ICAM2: variants seen among roughly 807,000 people sequenced by gnomAD.
ICAM2 encodes the protein intercellular adhesion molecule 2, also known as ICAM-2.
In ICAM2, 14 loss-of-function variants were observed where a neutral mutation model predicts 19.1. The ratio of observed to expected loss-of-function variants is 0.73; its 90% CI spans 0.48 to 1.15. The LOEUF (loss-of-function observed/expected upper bound fraction) is 1.15, where lower values mean the gene tolerates loss of function less well. Among genes scored for constraint, ICAM2 ranks in the 50% most tolerant of loss-of-function variants. The pLI, the probability that ICAM2 is intolerant of heterozygous loss-of-function variation, is 0.00. For missense variants in ICAM2, 311 were observed against 355.4 expected (o/e 0.88, Z 1.00); for synonymous variants, 153 against 152.7 (o/e 1.00, Z -0.01).
Position 64,002,642 on chromosome 17 carries a change from C to T in ICAM2, c.*105G>A. On this transcript the variant is annotated 3_prime_UTR_variant, in exon 5 of 5. Coordinates refer to ENST00000579788, the MANE Select transcript of ICAM2 (RefSeq NM_001099789.2). ...GGCTAGAAAAGGCAATGTCCCAAGT[C>T]TCTGCTGCCTGTCACAGTCCTTCAG... The T allele has an allele frequency of 9.7e-7, 1 of 1,031,960 alleles. No homozygotes were observed. Among genetic ancestry groups the T allele is most frequent in the Non-Finnish European group, 1.4e-6 (1 of 705,930 alleles). The allele number at this position is 1,031,960 out of a possible 1,614,324, so 63.9% of individuals were successfully genotyped here.
At chr17:64,015,793 T>C (rs1911699258) in intron 1 of ICAM2, among the ~76,000 whole-genome samples, 1 of 152,040 alleles carries the variant, frequency 6.6e-6, no homozygotes, top group African/African-American at 2.4e-5. Context: ...TTAAAGATCT[T>C]CCCATGAAGA....
At chr17:64,014,939 A>T (rs1459715277) in intron 1 of ICAM2, among the ~76,000 whole-genome samples, 1 of 151,966 alleles carries the variant, frequency 6.6e-6, no homozygotes, top group Non-Finnish European at 1.5e-5. Flanking sequence ...TTACAAAAAA[A>T]CCCTTCCCTA....
intron 2 of ICAM2, chr17:64,006,324 C>G (rs1598019252): frequency 6.9e-6 from 2 of 291,662 alleles, no homozygotes; most frequent in East Asian, 7.1e-5. Flanking sequence ...TCGAGACCAG[C>G]CCCTGCCATC....
intron 1 of ICAM2, among the ~76,000 whole-genome samples, chr17:64,011,415 TC>T (rs1911449756): frequency 6.6e-6 from 1 of 151,608 alleles, no homozygotes; most frequent in South Asian, 2.1e-4. Context: ...TGAGCCGAGA[TC>T]GCGCCACTGC....
intron 1 of ICAM2, among the ~76,000 whole-genome samples, chr17:64,009,986 T>C (rs1911383210): frequency 6.6e-6 from 1 of 152,112 alleles, no homozygotes; most frequent in Non-Finnish European, 1.5e-5. Flanking sequence ...GAATGCAGTT[T>C]CCATATTCCA....
chr17:64,005,511 C>A (rs138616774), intron 2 of ICAM2, 138 bp from the exon 3 acceptor site: 1 of 969,866 alleles, frequency 1.0e-6, no homozygotes, highest in African/African-American at 1.6e-5. Flanking sequence ...TGCTACTTTC[C>A]CCTTGTCAGG....
rs756898509 is a variant in ICAM2, at chr17:64,006,704, C to T, written c.-13G>A. ...CGAAAGAGGACATCTCTGGCAGTCT[C>T]CACGGGCTCGCAGGGACCAGCCAAG... On this transcript the variant is annotated 5_prime_UTR_variant, in exon 2 of 5. Transcript: ENST00000579788. 26 of 1,613,946 alleles carry T rather than the reference C, an allele frequency of 1.6e-5. No individual in the cohort carries two copies. The South Asian group carries it at 2.3e-4, about 14-fold the overall frequency.
intron 1 of ICAM2, among the ~76,000 whole-genome samples, chr17:64,009,479 G>A (rs1016949513): frequency 3.9e-5 from 6 of 151,978 alleles, no homozygotes; most frequent in Non-Finnish European, 7.4e-5. Context: ...ATGGAGTCTC[G>A]CTCTGTCACC....
At chr17:64,007,116 C>T (rs1437481366) in intron 1 of ICAM2, among the ~76,000 whole-genome samples, 1 of 152,242 alleles carries the variant, frequency 6.6e-6, no homozygotes, top group Non-Finnish European at 1.5e-5. Context: ...AGGACCTGTC[C>T]AGGACTTGCA....
chr17:64,005,748 C>T (rs1243227573), intron 2 of ICAM2, among the ~76,000 whole-genome samples: 1 of 152,198 alleles, frequency 6.6e-6, no homozygotes, highest in Non-Finnish European at 1.5e-5. Context: ...CCATAAAGCC[C>T]TCCCACAGAG....
Position 64,005,568 on chromosome 17 carries a change from C to A in ICAM2, c.62-195G>T, listed in dbSNP as rs138275404. 4.7e-4 allele frequency among the ~76,000 whole-genome samples: 72 copies of A among 152,244 alleles called. 1 individual carries two copies. Among genetic ancestry groups the A allele is most frequent in the African/African-American group, 1.6e-3 (66 of 41,546 alleles). ...AGGAGGCCACCCCCCAGCTGGCTCC[C>A]TGCCTCTGGCTGTCCTTCCTCCAGC... is the stretch of plus-strand genomic sequence containing the variant. On this transcript the variant is annotated intron_variant, in intron 2 of 4. Transcript: ENST00000579788.
intron 1 of ICAM2, among the ~76,000 whole-genome samples, chr17:64,010,233 C>T (rs1911395941): frequency 6.6e-6 from 1 of 152,168 alleles, no homozygotes; most frequent in South Asian, 2.1e-4. Context: ...CCTGTTGGTC[C>T]TGTAACACAG....
chr17:64,019,597 T>C (rs1466739746), intron 1 of ICAM2, among the ~76,000 whole-genome samples: 1 of 151,952 alleles, frequency 6.6e-6, no homozygotes, highest in South Asian at 2.1e-4. Context: ...GGGCGGATCA[T>C]GAGGTCAAGA....
intron 1 of ICAM2, among the ~76,000 whole-genome samples, chr17:64,011,972 T>C (rs142000689): frequency 2.3e-4 from 35 of 152,332 alleles, no homozygotes; most frequent in African/African-American, 7.9e-4. Flanking sequence ...ACTCCCATGT[T>C]CATTGCAGCA....
chr17:64,010,866 G>A (rs537606702), intron 1 of ICAM2, among the ~76,000 whole-genome samples: 27 of 152,280 alleles, frequency 1.8e-4, no homozygotes, highest in African/African-American at 5.8e-4. Flanking sequence ...AAGGATTGGA[G>A]TTAAAGCATT....
chr17:64,003,151 GT>G (rs1910920859), intron 4 of ICAM2: 4 of 544,668 alleles, frequency 7.3e-6, no homozygotes, highest in Non-Finnish European at 1.3e-5. Flanking sequence ...GGACTTCTGT[GT>G]GGCTGTGAGG....
At chr17:64,012,335 T>C (rs1274755024) in intron 1 of ICAM2, among the ~76,000 whole-genome samples, 2 of 152,078 alleles carry the variant, frequency 1.3e-5, no homozygotes, top group African/African-American at 4.8e-5. Flanking sequence ...AGGTGGCTCA[T>C]GCCTGTAATC....
intron 1 of ICAM2, among the ~76,000 whole-genome samples, chr17:64,009,758 C>G (rs1381285175): frequency 1.3e-5 from 2 of 152,184 alleles, no homozygotes; most frequent in Non-Finnish European, 2.9e-5. Flanking sequence ...TATGCAGACT[C>G]TGTCATAGGA....
rs549050541 is a variant in ICAM2 at position 64,003,002 on chromosome 17, C to T, written c.650-77G>A. On this transcript the variant is annotated intron_variant, in intron 4 of 4. Transcript: ENST00000579788. Reference sequence around the variant, plus strand: ...GGGACCAAAAGGGAGTGGAAGTCCACCCCCAACCCAGACCCCCAGACCCCG... The same window carrying T: ...GGGACCAAAAGGGAGTGGAAGTCCATCCCCAACCCAGACCCCCAGACCCCG... 68 of 1,419,614 alleles carry T rather than the reference C, an allele frequency of 4.8e-5. No individual in the cohort carries two copies. The African/African-American group carries it at 9.0e-4, about 19-fold the overall frequency. 87.9% of individuals were successfully genotyped at this position (1,419,614 alleles called of 1,614,324 possible).
Sources: allele counts gnomAD v4.1 joint callset (sites outside exome capture counted in the v4.1 genomes callset), GRCh38; gene constraint gnomAD v4.1.1; transcripts MANE v1.5; gene names NCBI Gene and HGNC (gene_info 2026-07-23, HGNC 2026-07-21).